CREB5: variants seen among roughly 807,000 people sequenced by gnomAD.
The protein encoded by CREB5 is cyclic AMP-responsive element-binding protein 5.
CREB5 carries 19 observed loss-of-function variants against 57.1 expected under a neutral mutation model. That is an observed-to-expected ratio of 0.33 (90% CI 0.23 to 0.49). The LOEUF (loss-of-function observed/expected upper bound fraction) is 0.49. CREB5 is among the 20% of genes least tolerant of loss of function. The probability of loss-of-function intolerance (pLI) is 0.99; values close to 1 mark genes in which losing one functional copy is unlikely to be tolerated. For synonymous variants in CREB5, 238 were observed against 238.3 expected (o/e 1.00, Z 0.01); for missense variants, 579 against 671.6 (o/e 0.86, Z 1.52).
chr7:28,657,909 T>A (rs1056611813), intron 5 of CREB5, among the ~76,000 whole-genome samples: 13 of 152,194 alleles, frequency 8.5e-5, no homozygotes, highest in African/African-American at 3.1e-4. Flanking sequence ...TATGGCTTTA[T>A]GTGTGTATAA....
chr7:28,624,217 G>C (rs980796313), intron 5 of CREB5, among the ~76,000 whole-genome samples: 1 of 152,160 alleles, frequency 6.6e-6, no homozygotes, highest in African/African-American at 2.4e-5. Flanking sequence ...TCTAATTTGC[G>C]TGAATTCTAA....
At chr7:28,628,156 G>A (rs895334131) in intron 5 of CREB5, among the ~76,000 whole-genome samples, 1 of 151,870 alleles carries the variant, frequency 6.6e-6, no homozygotes, top group Non-Finnish European at 1.5e-5. Context: ...AGCTTTTCAG[G>A]GATGTCAGAG....
At chr7:28,605,143 A>G (rs898478070) in intron 5 of CREB5, among the ~76,000 whole-genome samples, 1 of 152,210 alleles carries the variant, frequency 6.6e-6, no homozygotes, top group Non-Finnish European at 1.5e-5. Context: ...CACTGAAATG[A>G]CTTACGTAGA....
chr7:28,660,381 G>GCTTTTTT (rs1799554845), intron 5 of CREB5, among the ~76,000 whole-genome samples: 5 of 119,258 alleles, frequency 4.2e-5, no homozygotes, highest in African/African-American at 1.6e-4. Flanking sequence ...GCATTCAACA[G>GCTTTTTT]TTTTTTTTTT....
intron 1 of CREB5, among the ~76,000 whole-genome samples, chr7:28,450,365 T>C (rs1334745562): frequency 6.6e-6 from 1 of 152,226 alleles, no homozygotes; most frequent in Non-Finnish European, 1.5e-5. Flanking sequence ...CTGGAAGATC[T>C]CAAAAATTAT....
rs147607842 is a variant in CREB5 at position 28,527,616 on chromosome 7, A to G, written c.291+19879A>G. On this transcript the variant is annotated intron_variant, in intron 4 of 10. Coordinates refer to ENST00000357727, the MANE Select transcript of CREB5 (RefSeq NM_182898.4). ...AGGATCACTTGAGGACAGGTGTTCAAGACCAACCTGGGCAATATGGTGAGA... is the reference window on the plus strand; with the variant it reads ...AGGATCACTTGAGGACAGGTGTTCAGGACCAACCTGGGCAATATGGTGAGA... Among the ~76,000 whole-genome samples, 978 of 152,286 alleles carry G rather than the reference A, an allele frequency of 6.4e-3. 11 individuals carry two copies. The highest frequency in any genetic ancestry group is 0.021 in the African/African-American group (892 of 41,560).
At chr7:28,379,376 C>G (rs547411448) in intron 1 of CREB5, among the ~76,000 whole-genome samples, 1 of 152,220 alleles carries the variant, frequency 6.6e-6, no homozygotes, top group African/African-American at 2.4e-5. Flanking sequence ...GTTCTGCTGA[C>G]CCTCAGTGTT....
chr7:28,807,764 C>T (rs564451276), intron 8 of CREB5, among the ~76,000 whole-genome samples: 1 of 151,836 alleles, frequency 6.6e-6, no homozygotes, highest in East Asian at 1.9e-4. Context: ...CCGTCATAAA[C>T]CTGAGTGACT....
At chr7:28,558,022 T>C (rs216737) in intron 4 of CREB5, among the ~76,000 whole-genome samples, 137,272 of 152,228 alleles carry the variant, frequency 0.9, 62,104 homozygotes, top group African/African-American at 0.97. Context: ...ACAGGATTTC[T>C]GGAAGTTTCT....
At chr7:28,597,539 A>G (rs1202938910) in intron 5 of CREB5, among the ~76,000 whole-genome samples, 1 of 152,220 alleles carries the variant, frequency 6.6e-6, no homozygotes, top group Non-Finnish European at 1.5e-5. Flanking sequence ...GGTCTGGTTT[A>G]GATGCAAGTC....
intron 1 of CREB5, among the ~76,000 whole-genome samples, chr7:28,433,336 C>A (rs1267501930): frequency 6.6e-6 from 1 of 152,072 alleles, no homozygotes; most frequent in Non-Finnish European, 1.5e-5. Flanking sequence ...GAAATAGTTG[C>A]CAGTTGATTA....
chr7:28,529,658 C>G (rs950472877), intron 4 of CREB5, among the ~76,000 whole-genome samples: 1 of 152,174 alleles, frequency 6.6e-6, no homozygotes, highest in Non-Finnish European at 1.5e-5. Context: ...GATTTCCTTG[C>G]TCTATGGCCC....
chr7:28,558,925 C>A (rs1281376690), intron 4 of CREB5, among the ~76,000 whole-genome samples: 1 of 152,118 alleles, frequency 6.6e-6, no homozygotes, highest in Non-Finnish European at 1.5e-5. Flanking sequence ...TTTAGTAATT[C>A]TAGAATAGGC....
chr7:28,674,193 T>C (rs1428239389), intron 5 of CREB5, among the ~76,000 whole-genome samples: 2 of 152,272 alleles, frequency 1.3e-5, no homozygotes, highest in East Asian at 3.9e-4. Flanking sequence ...CCTTTCTTGA[T>C]GTTTTCAACC....
At chr7:28,780,906 A>C (rs540870493) in intron 7 of CREB5, among the ~76,000 whole-genome samples, 1 of 152,316 alleles carries the variant, frequency 6.6e-6, no homozygotes, top group South Asian at 2.1e-4. Context: ...AAGATGACAA[A>C]ACAGTAAAAT....
At chr7:28,643,751 T>G (rs375660917) in intron 5 of CREB5, among the ~76,000 whole-genome samples, 408 of 133,424 alleles carry the variant, frequency 3.1e-3, no homozygotes, top group Middle Eastern at 3.6e-3. Context: ...GTTTGGGAGG[T>G]GGGGGGGGGC....
chr7:28,308,566 C>A lies in CREB5; in HGVS notation c.-25+9125C>A, dbSNP rs569702356. 3.3e-5 allele frequency among the ~76,000 whole-genome samples: 5 copies of A among 152,292 alleles called. No individual in the cohort carries two copies. The East Asian group carries it at 9.7e-4, about 30-fold the overall frequency. On this transcript the variant is annotated intron_variant, in intron 1 of 9. Coordinates refer to the CREB5 transcript ENST00000396299. ...TGGTAGACCTGGACTCAAACCCAGG[C>A]TGCCTGGTTCCGGTATTGTGTGCTG... is the stretch of plus-strand genomic sequence containing the variant.
intron 4 of CREB5, among the ~76,000 whole-genome samples, chr7:28,550,520 C>T (rs746749675): frequency 2.0e-5 from 3 of 152,144 alleles, no homozygotes; most frequent in Non-Finnish European, 2.9e-5. Flanking sequence ...TGTAAGATGT[C>T]GGTCGAGCTC....
At chr7:28,308,127 T>C (rs1266718961) in intron 1 of CREB5, among the ~76,000 whole-genome samples, 1 of 152,162 alleles carries the variant, frequency 6.6e-6, no homozygotes, top group African/African-American at 2.4e-5. Context: ...CAGGCAGCCT[T>C]AGGGGCCCTG....
Sources: gnomAD v4.1 joint callset for allele counts (sites outside exome capture counted in the v4.1 genomes callset) on GRCh38, gnomAD v4.1.1 for gene constraint, MANE v1.5 for transcripts, NCBI Gene and HGNC (gene_info 2026-07-23, HGNC 2026-07-21) for gene names.